DNAH10: variants seen among roughly 807,000 people sequenced by gnomAD.
The protein encoded by DNAH10 is dynein axonemal heavy chain 10.
Under a neutral mutation model 506.6 loss-of-function variants are expected in DNAH10, and 348 were observed. The ratio of observed to expected loss-of-function variants is 0.69; its 90% confidence interval spans 0.63 to 0.75. DNAH10 has a LOEUF of 0.75. DNAH10 is among the 30% of genes least tolerant of loss of function. The pLI, the probability that DNAH10 is intolerant of heterozygous loss-of-function variation, is 0.00. For missense variants in DNAH10, 5,179 were observed against 5,787.1 expected (o/e 0.89, Z 3.41); for synonymous variants, 2,059 against 2,198.6 (o/e 0.94, Z 1.78).
intron 57 of DNAH10, among the ~76,000 whole-genome samples, chr12:123,906,178 C>T (rs1281048043): frequency 6.6e-6 from 1 of 151,908 alleles, no homozygotes; most frequent in African/African-American, 2.4e-5. Flanking sequence ...GTGATCCACC[C>T]GCCTCGGCCT....
In DNAH10 at chr12:123,785,468, C is replaced by G. The variant is rs957809987; in HGVS notation, c.1231-278C>G. On this transcript the variant is annotated intron_variant, in intron 8 of 78. Coordinates refer to ENST00000673944, the MANE Select transcript of DNAH10 (RefSeq NM_001372106.1). The surrounding 1 kb of genome is among the most constrained non-coding windows in gnomAD (Gnocchi z 4.1). ...GCAACATAGTGCGACCTCATCTCTA[C>G]AAAAATAAAAATAAAAAATTAGCCG... is the stretch of plus-strand genomic sequence containing the variant. Among the ~76,000 whole-genome samples the G allele has an allele frequency of 4.6e-5, 7 of 151,906 alleles. No individual in the cohort carries two copies. Among genetic ancestry groups the G allele is most frequent in the Admixed American group, 1.3e-4 (2 of 15,220 alleles).
rs751833200 is a variant in DNAH10, at chr12:123,934,631, C to G, written c.13488C>G (p.Val4496=). ...GCCTTGTGTCCCTAGGATGCTTTGT[C>G]TCAGGACTGTACCTGGAAGGTGCTG... ...VNERAGQGCF[V]SGLYLEGADW... is the part of the protein sequence containing the mutation. The change falls in exon 78 of 79, where the codon GTC becomes GTG. Residue 4496 remains valine (V), a synonymous_variant. Transcript: ENST00000673944. The G allele has an allele frequency of 1.2e-6, 2 of 1,613,468 alleles. No homozygotes were observed. Among genetic ancestry groups the G allele is most frequent in the Non-Finnish European group, 1.7e-6 (2 of 1,179,758 alleles).
At chr12:123,908,119 T>TCC (rs1487342827) in intron 57 of DNAH10, among the ~76,000 whole-genome samples, 14 of 145,086 alleles carry the variant, frequency 9.6e-5, no homozygotes, top group African/African-American at 2.8e-4. Context: ...CCTCCCTGTC[T>TCC]CTCTGTCTCC....
intron 9 of DNAH10, among the ~76,000 whole-genome samples, chr12:123,786,272 A>G (rs1957846921): frequency 6.6e-6 from 1 of 151,390 alleles, no homozygotes; most frequent in African/African-American, 2.4e-5. Flanking sequence ...AGTGGAGATC[A>G]CACCATTACA....
At position 123,909,241 on chromosome 12, in the gene DNAH10, G is replaced by T; in HGVS notation, c.9816-20G>T. The T allele has an allele frequency of 6.2e-7, 1 of 1,604,942 alleles. No homozygotes were observed. ...GCCACATCCCGGGGTTGTGACCCAC[G>T]TGCCTTGGTTTCTTGCCAGGTCGTT... On this transcript the variant is annotated intron_variant, in intron 57 of 78. Transcript: ENST00000673944. The surrounding 1 kb of genome is among the most constrained non-coding windows in gnomAD (Gnocchi z 5.4).
intron 24 of DNAH10, 60 bp downstream of exon 24, chr12:123,820,818 T>A: frequency 6.4e-7 from 1 of 1,571,182 alleles, no homozygotes; most frequent in Non-Finnish European, 8.7e-7. Flanking sequence ...AGGAATTACT[T>A]AAGCCCTGCA....
intron 24 of DNAH10, 89 bp downstream of exon 24, chr12:123,820,847 A>G: frequency 2.8e-6 from 4 of 1,435,078 alleles, no homozygotes; most frequent in Non-Finnish European, 3.8e-6. Flanking sequence ...TGCCACCATA[A>G]TAATGAGCTT....
chr12:123,818,857 C>T, intron 21 of DNAH10, 93 bp from the exon 22 acceptor site: 1 of 826,410 alleles, frequency 1.2e-6, no homozygotes, highest in Non-Finnish European at 2.0e-6. Context: ...TTGCCACAAG[C>T]AGAAGTCCCT....
rs1031469148 is a variant in DNAH10 at position 123,913,460 on chromosome 12, A to G, written c.10352+145A>G. 1.3e-6 allele frequency: 1 copy of G among 795,138 alleles called. No homozygotes were observed. The highest frequency in any genetic ancestry group is 1.9e-6 in the Non-Finnish European group (1 of 516,488). The allele number at this position is 795,138 out of a possible 1,614,324, so 49.3% of individuals were successfully genotyped here. ...GTCTTATGTTCCTATTATCATGTTT[A>G]TGGCAGCTAATGGCTATTTTATAGG... On this transcript the variant is annotated intron_variant, in intron 60 of 78. Transcript: ENST00000673944. The surrounding 1 kb of genome is among the most constrained non-coding windows in gnomAD (Gnocchi z 5.1).
rs557850824 is a variant in DNAH10 at position 123,930,463 on chromosome 12, A to G, written c.12674A>G (p.Asp4225Gly). 6.2e-7 allele frequency: 1 copy of G among 1,608,058 alleles called. No individual in the cohort carries two copies. Residue 4225 changes from aspartate to glycine, a missense_variant, in exon 73 of 79, where the codon GAT (aspartate) becomes GGT (glycine). Asp to Gly is a moderately conservative substitution (Grantham distance 94, BLOSUM62 -1). Coordinates refer to ENST00000673944, the MANE Select transcript of DNAH10 (RefSeq NM_001372106.1). ...CGCCGCATCCTGACCATCTACATGG[A>G]TGAGTACCTGGGGGACTTCATTTTT... ...FDRRILTIYM[D>G]EYLGDFIFDT...
At position 123,837,178 on chromosome 12, in the gene DNAH10, C is replaced by CAA. The variant is rs376403371; in HGVS notation, c.4903-1263_4903-1262dup. Among the ~76,000 whole-genome samples, 205 of 92,488 alleles carry CAA rather than the reference C, an allele frequency of 2.2e-3. 3 individuals are homozygous for CAA. In the South Asian group the frequency reaches 0.025, roughly 11 times the overall value. The allele number at this position is 92,488 out of a possible 152,430, so 60.7% of individuals were successfully genotyped here. A position where few individuals can be genotyped will look rare whatever the true frequency, so the allele number is the denominator to read the frequency against. ...TGAAACTCCGTCTCTACTAAAAATA[C>CAA]AAAAAAAAAAAAAAAATTAGCCAGG... On this transcript the variant is annotated intron_variant, in intron 28 of 78. Transcript: ENST00000673944.
intron 23 of DNAH10, among the ~76,000 whole-genome samples, chr12:123,820,105 A>G (rs1190910920): frequency 1.3e-5 from 2 of 152,156 alleles, no homozygotes; most frequent in Non-Finnish European, 2.9e-5. Flanking sequence ...GAAATGGGTG[A>G]CGTTTATTTA....
chr12:123,923,795 T>G lies in DNAH10; in HGVS notation c.11539T>G (p.Phe3847Val). 6.2e-7 allele frequency: 1 copy of G among 1,612,544 alleles called. No individual in the cohort carries two copies. The highest frequency in any genetic ancestry group is 8.5e-7 in the Non-Finnish European group (1 of 1,179,552). ...LFERHKLLFS[F>V]NMTIKIEQAE... ...TGAGAGGCACAAGCTACTCTTTTCTTTTAATATGACCATCAAGATAGAACA... is the reference window on the plus strand; with the variant it reads ...TGAGAGGCACAAGCTACTCTTTTCTGTTAATATGACCATCAAGATAGAACA... Residue 3847 changes from phenylalanine (F) to valine (V), a missense_variant, in exon 66 of 79, where the codon TTT becomes GTT. Around this residue, in one of 3 missense-constraint regions of DNAH10, gnomAD observed 4,844 missense variants for 5,430.5 expected, o/e 0.89. Transcript: ENST00000673944.
rs1953142991 is a variant in DNAH10, at chr12:123,894,724, G to A, written c.9280+1G>A. ...CATGCGGTCGCAAAGTCCTTTCTAG[G>A]TAAGTCACAGCTGTTATGGGAACTG... is the stretch of plus-strand genomic sequence containing the variant. On this transcript the variant is annotated splice_donor_variant, in intron 54 of 78. Coordinates refer to ENST00000673944, the MANE Select transcript of DNAH10 (RefSeq NM_001372106.1). LOFTEE classifies it high-confidence loss of function. 6.2e-7 allele frequency: 1 copy of A among 1,613,384 alleles called. No individual in the cohort carries two copies. Among genetic ancestry groups the A allele is most frequent in the Non-Finnish European group, 8.5e-7 (1 of 1,179,378 alleles).
At chr12:123,900,420 C>A (rs78477816) in intron 56 of DNAH10, among the ~76,000 whole-genome samples, 8 of 152,148 alleles carry the variant, frequency 5.3e-5, no homozygotes, top group Non-Finnish European at 1.2e-4. Flanking sequence ...TGAGACTCAA[C>A]CCCTGCCTCG....
At chr12:123,799,440 C>A in intron 14 of DNAH10, 69 bp downstream of exon 14, 1 of 1,537,972 alleles carries the variant, frequency 6.5e-7, no homozygotes, top group Non-Finnish European at 8.8e-7. Flanking sequence ...TTTCTCAAGG[C>A]TTGATTTGTT....
At chr12:123,841,251 A>T in intron 29 of DNAH10, 71 bp from the exon 30 acceptor site, 1 of 1,516,022 alleles carries the variant, frequency 6.6e-7, no homozygotes, top group Non-Finnish European at 9.2e-7. Flanking sequence ...TGCTGGATGG[A>T]GCACCGCTGG....
intron 29 of DNAH10, among the ~76,000 whole-genome samples, chr12:123,839,747 C>T (rs1048949254): frequency 6.6e-6 from 1 of 150,390 alleles, no homozygotes; most frequent in African/African-American, 2.4e-5. Context: ...ACTGCAAGCT[C>T]CACCTCCCAG....
chr12:123,869,156 C>G (rs1327797864), intron 43 of DNAH10, among the ~76,000 whole-genome samples: 1 of 152,192 alleles, frequency 6.6e-6, no homozygotes, highest in Non-Finnish European at 1.5e-5. Flanking sequence ...AAATCCTGCT[C>G]TCCACCTACT....
Sources: allele counts gnomAD v4.1 joint callset (sites outside exome capture counted in the v4.1 genomes callset), GRCh38; gene constraint gnomAD v4.1.1; regional missense constraint gnomAD v4.1.1; non-coding constraint Gnocchi (gnomAD v3.1); transcripts MANE v1.5; gene names NCBI Gene and HGNC (gene_info 2026-07-23, HGNC 2026-07-21).